Variants in SORBS2 observed in about 807,000 individuals in gnomAD.
SORBS2 encodes the protein sorbin and SH3 domain containing 2, also known as sorbin and SH3 domain-containing protein 2.
SORBS2 carries 46 observed loss-of-function variants against 97.7 expected under a neutral mutation model. That is an observed-to-expected ratio of 0.47 (90% CI 0.37 to 0.60). The LOEUF is 0.60. Ranked by LOEUF, SORBS2 falls within the 20% of genes least tolerant of loss-of-function variation. SORBS2 has a pLI of 0.00. For synonymous variants in SORBS2, 476 were observed against 473.4 expected, an observed-to-expected ratio of 1.01 and a Z score of -0.07; for missense variants, 1,316 against 1,282.3, an observed-to-expected ratio of 1.03 and a Z score of -0.40.
intron 2 of SORBS2, among the ~76,000 whole-genome samples, chr4:185,713,641 G>T (rs1305437401): frequency 6.6e-6 from 1 of 152,232 alleles, no homozygotes; most frequent in Middle Eastern, 3.2e-3. Flanking sequence ...CAAAGAGGTA[G>T]TCAGCTTCAC....
At chr4:185,853,764 T>A (rs1393261734) in intron 1 of SORBS2, among the ~76,000 whole-genome samples, 1 of 152,160 alleles carries the variant, frequency 6.6e-6, no homozygotes, top group African/African-American at 2.4e-5. Flanking sequence ...ATAATTTTTT[T>A]AAATGGAGCT....
chr4:185,943,292 T>C (rs1304951783), intron 1 of SORBS2, among the ~76,000 whole-genome samples: 1 of 152,176 alleles, frequency 6.6e-6, no homozygotes, highest in Admixed American at 6.5e-5. Flanking sequence ...GATTACCTAA[T>C]GATTGTAAAA....
At chr4:185,823,850 G>A (rs1174757732) in intron 1 of SORBS2, among the ~76,000 whole-genome samples, 1 of 152,140 alleles carries the variant, frequency 6.6e-6, no homozygotes, top group Non-Finnish European at 1.5e-5. Flanking sequence ...AGTCAGGCTG[G>A]TTTGTCTGCG....
At chr4:185,689,494 C>T (rs1418231092) in intron 2 of SORBS2, among the ~76,000 whole-genome samples, 9 of 152,214 alleles carry the variant, frequency 5.9e-5, no homozygotes, top group Admixed American at 5.9e-4. Flanking sequence ...GTTATAACTT[C>T]TCTTGATTGC....
chr4:185,597,970 C>T (rs3762923), intron 12 of SORBS2, among the ~76,000 whole-genome samples: 1 of 152,074 alleles, frequency 6.6e-6, no homozygotes, highest in African/African-American at 2.4e-5. Context: ...TTTGAGAAAG[C>T]ATCCCTTGTA....
At chr4:185,731,894 ATATATATATATATAT>A (rs1436500756) in intron 2 of SORBS2, among the ~76,000 whole-genome samples, 33 of 92,092 alleles carry the variant, frequency 3.6e-4, no homozygotes, top group African/African-American at 1.1e-3. Flanking sequence ...ATATATATAT[ATATATATATATATAT>A]GTCTGTTTCT....
intron 1 of SORBS2, among the ~76,000 whole-genome samples, chr4:185,883,839 C>A (rs1175591409): frequency 6.6e-6 from 1 of 152,168 alleles, no homozygotes; most frequent in East Asian, 1.9e-4. Flanking sequence ...CAGAGCAAGA[C>A]CGTATATCTA....
intron 2 of SORBS2, among the ~76,000 whole-genome samples, chr4:185,700,835 C>G (rs2098251056): frequency 6.6e-6 from 1 of 152,150 alleles, no homozygotes; most frequent in African/African-American, 2.4e-5. Flanking sequence ...CACATATGTT[C>G]CCAGCATTCT....
intron 2 of SORBS2, among the ~76,000 whole-genome samples, chr4:185,746,889 C>G (rs959557395): frequency 7.9e-5 from 12 of 152,170 alleles, no homozygotes; most frequent in African/African-American, 2.9e-4. Context: ...GACTGGCCCC[C>G]TAGGACCTCA....
Position 185,618,634 on chromosome 4 carries a change from G to T in SORBS2, c.2305-3C>A. ...TAAACAGCTTTTGCAGGCAATTTCTGAAAAGGAAGATAAACAATTAGCACT... is the reference window on the plus strand; with the variant it reads ...TAAACAGCTTTTGCAGGCAATTTCTTAAAAGGAAGATAAACAATTAGCACT... On this transcript the variant is annotated splice_polypyrimidine_tract_variant and splice_region_variant and intron_variant, in intron 8 of 14. Coordinates refer to ENST00000418609, the Ensembl canonical transcript of SORBS2. 6.5e-7 allele frequency: 1 copy of T among 1,531,738 alleles called. No individual in the cohort carries two copies. Among genetic ancestry groups the T allele is most frequent in the South Asian group, 1.3e-5 (1 of 75,726 alleles). The allele number at this position is 1,531,738 out of a possible 1,614,324, so 94.9% of individuals were successfully genotyped here. A position where few individuals can be genotyped will look rare whatever the true frequency, so the allele number is the denominator to read the frequency against.
intron 4 of SORBS2, among the ~76,000 whole-genome samples, chr4:185,641,741 T>G (rs538304431): frequency 6.6e-6 from 1 of 151,570 alleles, no homozygotes; most frequent in South Asian, 2.1e-4. Flanking sequence ...GTGATTTTTT[T>G]GTTGTTGTTT....
intron 12 of SORBS2, among the ~76,000 whole-genome samples, chr4:185,610,502 G>T (rs548807610): frequency 1.3e-5 from 2 of 152,080 alleles, no homozygotes; most frequent in South Asian, 4.2e-4. Context: ...AGGGTTGAGG[G>T]TAATTATTTG....
chr4:185,771,834 G>T (rs1002168762), intron 2 of SORBS2: 2 of 152,154 alleles, frequency 1.3e-5, no homozygotes, highest in African/African-American at 4.8e-5. Flanking sequence ...GGACAAGTCA[G>T]ATCTTAGTGT....
intron 1 of SORBS2, among the ~76,000 whole-genome samples, chr4:185,795,566 A>G (rs949230583): frequency 2.7e-5 from 4 of 149,376 alleles, no homozygotes; most frequent in Admixed American, 2.6e-4. Context: ...CAAGATGCGA[A>G]AAAAAAGAAT....
chr4:185,620,215 C>T, intron 7 of SORBS2, 64 bp from the exon 20 acceptor site: 1 of 1,083,962 alleles, frequency 9.2e-7, no homozygotes, highest in South Asian at 1.3e-5. Flanking sequence ...ACCTGTTCCG[C>T]CATTTTCCCT....
chr4:185,749,461 GA>G (rs34842663), intron 2 of SORBS2, among the ~76,000 whole-genome samples: 69,148 of 151,852 alleles, frequency 0.46, 16,183 homozygotes, highest in Non-Finnish European at 0.5. Flanking sequence ...TGACAAGAAA[GA>G]AAAAAAACTT....
intron 1 of SORBS2, among the ~76,000 whole-genome samples, chr4:185,855,190 T>C (rs1445346973): frequency 1.3e-5 from 2 of 152,194 alleles, no homozygotes; most frequent in Non-Finnish European, 2.9e-5. Context: ...TAGGAGCTAT[T>C]GCTGTTTTCA....
chr4:185,784,932 A>G (rs897065087), intron 1 of SORBS2, among the ~76,000 whole-genome samples: 15 of 152,162 alleles, frequency 9.9e-5, no homozygotes, highest in African/African-American at 3.6e-4. Context: ...CTCTAAATAT[A>G]GTGAAGTAGT....
chr4:185,698,254 T>C (rs1582975009), intron 2 of SORBS2, among the ~76,000 whole-genome samples: 1 of 151,556 alleles, frequency 6.6e-6, no homozygotes, highest in Admixed American at 6.6e-5. Flanking sequence ...GGCAGGAGGG[T>C]CACTTGAGGT....
Sources: gnomAD v4.1 joint callset for allele counts (sites outside exome capture counted in the v4.1 genomes callset) on GRCh38, gnomAD v4.1.1 for gene constraint, MANE v1.5 for transcripts, NCBI Gene and HGNC (gene_info 2026-07-23, HGNC 2026-07-21) for gene names.